PHGDH: variants seen among roughly 807,000 people sequenced by gnomAD.
The protein encoded by PHGDH is phosphoglycerate dehydrogenase, also known as D-3-phosphoglycerate dehydrogenase.
A neutral mutation model predicts 52.6 loss-of-function variants in PHGDH; 50 were observed. That is an observed-to-expected ratio of 0.95 (90% confidence interval 0.76 to 1.20). The LOEUF (loss-of-function observed/expected upper bound fraction) is 1.20, where lower values mean the gene tolerates loss of function less well. Among genes scored for constraint, PHGDH ranks in the 50% most tolerant of loss-of-function variants. The pLI, the probability that PHGDH is intolerant of heterozygous loss-of-function variation, is 0.00. For synonymous variants in PHGDH, 271 were observed against 280.5 expected, an observed-to-expected ratio of 0.97 and a Z score of 0.34; for missense variants, 630 against 684.6, an observed-to-expected ratio of 0.92 and a Z score of 0.89.
At chr1:119,727,846 C>T (rs1651514456) in intron 5 of PHGDH, among the ~76,000 whole-genome samples, 1 of 151,894 alleles carries the variant, frequency 6.6e-6, no homozygotes, top group South Asian at 2.1e-4. Context: ...AAAACAGAAA[C>T]AAAAACAAAA....
At chr1:119,715,312 A>AT (rs1650880636) in intron 1 of PHGDH, among the ~76,000 whole-genome samples, 1 of 152,250 alleles carries the variant, frequency 6.6e-6, no homozygotes, top group South Asian at 2.1e-4. Flanking sequence ...CCATACCTTC[A>AT]TATCAGTACT....
Position 119,712,006 on chromosome 1 carries a change from C to G in PHGDH, c.-17C>G. ...TACTTCTACTCACAGCGGCCGATTC[C>G]GAGGCCAACTCCAGCAATGGCTTTT... On this transcript the variant is annotated 5_prime_UTR_variant, in exon 1 of 12. Transcript: ENST00000641023. The G allele has an allele frequency of 6.2e-7, 1 of 1,613,752 alleles. No homozygotes were observed. Among genetic ancestry groups the G allele is most frequent in the Non-Finnish European group, 8.5e-7 (1 of 1,179,930 alleles).
intron 6 of PHGDH, 124 bp from the exon 7 acceptor site, chr1:119,735,171 C>T (rs1285419627): frequency 6.3e-6 from 8 of 1,276,684 alleles, no homozygotes; most frequent in East Asian, 2.3e-5. Context: ...AAGAGGCTGC[C>T]GTCCAGCAGG....
At chr1:119,739,464 T>G (rs1652090524) in intron 8 of PHGDH, 1 of 152,050 alleles carries the variant, frequency 6.6e-6, no homozygotes, top group African/African-American at 2.4e-5. Context: ...CCTCCCACAC[T>G]GGAGAGGCTC....
chr1:119,726,567 C>T, intron 3 of PHGDH: 1 of 537,602 alleles, frequency 1.9e-6, no homozygotes. Flanking sequence ...AAGTAAAAAA[C>T]TCACTCTGGT....
chr1:119,724,732 TGGAGG>T, intron 3 of PHGDH: 1 of 454,576 alleles, frequency 2.2e-6, no homozygotes, highest in Non-Finnish European at 4.4e-6. Context: ...ACTTTTTTTC[TGGAGG>T]TGGAAGGAAA....
chr1:119,727,404 A>C, intron 5 of PHGDH: 1 of 451,058 alleles, frequency 2.2e-6, no homozygotes, highest in Non-Finnish European at 4.1e-6. Context: ...TTAGTTTAAA[A>C]GAATTTAAAC....
At chr1:119,724,659 A>ATTTTTTT in intron 3 of PHGDH, 1 of 349,812 alleles carries the variant, frequency 2.9e-6, no homozygotes, top group Admixed American at 3.8e-5. Context: ...ACCTTCAGGG[A>ATTTTTTT]TTTTTTTTTT....
chr1:119,732,055 T>C (rs922633285), intron 5 of PHGDH, among the ~76,000 whole-genome samples: 1 of 152,174 alleles, frequency 6.6e-6, no homozygotes, highest in Admixed American at 6.5e-5. Flanking sequence ...TGGGTCTCTG[T>C]TTAAGATTTC....
Position 119,740,485 on chromosome 1 carries a change from T to A in PHGDH, c.1045T>A (p.Ser349Thr), listed in dbSNP as rs1557981041. The A allele has an allele frequency of 1.3e-6, 2 of 1,594,798 alleles. No homozygotes were observed. The highest frequency in any genetic ancestry group is 1.7e-6 in the Non-Finnish European group (2 of 1,170,412). The change falls in exon 9 of 12, where the codon TCC becomes ACC. Residue 349 changes from serine (S) to threonine (T), a missense_variant. By Grantham distance (58) the Ser-to-Thr change is moderately conservative. Coordinates refer to ENST00000641023, the MANE Select transcript of PHGDH (RefSeq NM_006623.4). Reference sequence around the variant, plus strand: ...GACACTGATGCGAGCCTGGGCTGGGTCCCCCAAAGGGACCATCCAGGTGAT... The same window carrying A: ...GACACTGATGCGAGCCTGGGCTGGGACCCCCAAAGGGACCATCCAGGTGAT... ...LGTLMRAWAG[S>T]PKGTIQVITQ...
intron 8 of PHGDH, among the ~76,000 whole-genome samples, chr1:119,738,666 T>C (rs985149420): frequency 1.3e-5 from 2 of 152,236 alleles, no homozygotes; most frequent in Admixed American, 1.3e-4. Flanking sequence ...AGCAGCTGTC[T>C]GCCTTCCCCA....
chr1:119,727,337 C>G (rs1651476426), intron 5 of PHGDH: 4 of 561,126 alleles, frequency 7.1e-6, no homozygotes, highest in Non-Finnish European at 1.3e-5. Context: ...GTGAATAGCC[C>G]TGAGTCCCAG....
intron 9 of PHGDH, among the ~76,000 whole-genome samples, chr1:119,741,553 G>A (rs747476230): frequency 2.0e-5 from 3 of 152,164 alleles, no homozygotes; most frequent in Non-Finnish European, 2.9e-5. Flanking sequence ...GTTTCTCAGG[G>A]TGGTTAAAAC....
intron 2 of PHGDH, among the ~76,000 whole-genome samples, chr1:119,722,993 A>G (rs1338116129): frequency 6.6e-6 from 1 of 152,008 alleles, no homozygotes; most frequent in East Asian, 1.9e-4. Context: ...CCTTGGTAAG[A>G]TCAATGGTAG....
In PHGDH at chr1:119,741,966, A is replaced by C. The variant is rs1472294559; in HGVS notation, c.1209+69A>C. The C allele has an allele frequency of 2.9e-6, 4 of 1,391,596 alleles. No homozygotes were observed. In the East Asian group the frequency reaches 9.1e-5, roughly 32 times the overall value. 86.2% of individuals were successfully genotyped at this position (1,391,596 alleles called of 1,614,324 possible). A position where few individuals can be genotyped will look rare whatever the true frequency, so the allele number is the denominator to read the frequency against. On this transcript the variant is annotated intron_variant, in intron 10 of 11. Transcript: ENST00000641023. ...CTAGTCTTCTCCCCCACATTTCCAGAGCCCGTTCTCTGAGCGGAGGCCTAG... is the reference window on the plus strand; with the variant it reads ...CTAGTCTTCTCCCCCACATTTCCAGCGCCCGTTCTCTGAGCGGAGGCCTAG...
chr1:119,724,493 G>A (rs767005118), intron 3 of PHGDH: 23 of 337,406 alleles, frequency 6.8e-5, no homozygotes, highest in Non-Finnish European at 1.1e-4. Context: ...GGCAGTGGGG[G>A]GAAAGGAGAA....
intron 5 of PHGDH, chr1:119,730,093 T>G (rs1367030710): frequency 6.6e-6 from 1 of 152,186 alleles, no homozygotes; most frequent in African/African-American, 2.4e-5. Flanking sequence ...TTATCATACT[T>G]TTGAGTCTGG....
At chr1:119,726,793 C>T in intron 3 of PHGDH, 58 bp from the exon 4 acceptor site, 1 of 1,417,594 alleles carries the variant, frequency 7.1e-7, no homozygotes, top group East Asian at 2.3e-5. Flanking sequence ...TGTTGCATCT[C>T]CTTCCTGGGC....
At chr1:119,735,205 G>T in intron 6 of PHGDH, 90 bp from the exon 7 acceptor site, 2 of 1,550,202 alleles carry the variant, frequency 1.3e-6, no homozygotes, top group East Asian at 2.2e-5. Flanking sequence ...GAAAGAGCTG[G>T]CTCAAGGAAA....
Sources: gnomAD v4.1 joint callset for allele counts (sites outside exome capture counted in the v4.1 genomes callset) on GRCh38, gnomAD v4.1.1 for gene constraint, MANE v1.5 for transcripts, NCBI Gene and HGNC (gene_info 2026-07-23, HGNC 2026-07-21) for gene names.